The following NRG3 variants were observed in gnomAD, a reference collection of about 807,000 sequenced individuals.
The protein encoded by NRG3 is pro-neuregulin-3, membrane-bound isoform.
NRG3 carries 31 observed loss-of-function variants against 66.9 expected under a neutral mutation model. That is an observed-to-expected ratio of 0.46 (90% CI 0.35 to 0.63). NRG3 has a LOEUF of 0.63. NRG3 is among the 20% of genes least tolerant of loss of function. NRG3 has a pLI of 0.00. For missense variants in NRG3, 910 were observed against 878.9 expected (o/e 1.04, Z -0.45); for synonymous variants, 393 against 359.4 (o/e 1.09, Z -1.06).
chr10:82,671,520 A>C (rs980436428), intron 2 of NRG3, among the ~76,000 whole-genome samples: 4 of 152,158 alleles, frequency 2.6e-5, no homozygotes, highest in African/African-American at 4.8e-5. Context: ...AGTGACTGTC[A>C]TTCTTTGGAA....
chr10:82,961,560 T>C (rs1254526580), intron 6 of NRG3, among the ~76,000 whole-genome samples: 1 of 152,134 alleles, frequency 6.6e-6, no homozygotes, highest in Non-Finnish European at 1.5e-5. Flanking sequence ...CAGAAGGCAA[T>C]TTGCCCACCA....
intron 3 of NRG3, among the ~76,000 whole-genome samples, chr10:82,749,732 C>T (rs749826174): frequency 7.9e-4 from 120 of 151,228 alleles, no homozygotes; most frequent in Admixed American, 1.3e-3. Context: ...ATTCCAATGG[C>T]CTTTTTAACT....
chr10:82,402,931 A>T (rs2087216568), intron 2 of NRG3, among the ~76,000 whole-genome samples: 1 of 152,152 alleles, frequency 6.6e-6, no homozygotes, highest in Admixed American at 6.6e-5. Flanking sequence ...TATCTCAATA[A>T]TTGAGTTTTT....
chr10:82,343,474 G>A (rs971285798), intron 1 of NRG3, among the ~76,000 whole-genome samples: 1 of 152,016 alleles, frequency 6.6e-6, no homozygotes, highest in African/African-American at 2.4e-5. Flanking sequence ...ACTGCCCAAA[G>A]CAATGTACAT....
chr10:82,552,935 G>A (rs993462888), intron 2 of NRG3, among the ~76,000 whole-genome samples: 1 of 151,922 alleles, frequency 6.6e-6, no homozygotes, highest in Non-Finnish European at 1.5e-5. Context: ...TGAAGTGATT[G>A]GAGATAGTTG....
chr10:82,924,403 G>A (rs753471257), intron 4 of NRG3, among the ~76,000 whole-genome samples: 1 of 152,072 alleles, frequency 6.6e-6, no homozygotes, highest in Non-Finnish European at 1.5e-5. Flanking sequence ...GATCAGAATT[G>A]GCTCATCAGT....
At chr10:82,688,668 C>T (rs895585925) in intron 2 of NRG3, among the ~76,000 whole-genome samples, 33 of 151,082 alleles carry the variant, frequency 2.2e-4, no homozygotes, top group Admixed American at 6.6e-4. Flanking sequence ...AAGAAGTAAA[C>T]AAATTTCTGC....
At chr10:82,563,680 G>A (rs7904730) in intron 2 of NRG3, among the ~76,000 whole-genome samples, 18,762 of 151,678 alleles carry the variant, frequency 0.12, 2,191 homozygotes, top group African/African-American at 0.3. Flanking sequence ...GTTTTGATTT[G>A]TGTGCTATAA....
chr10:81,892,499 A>T (rs1843114292), intron 1 of NRG3, among the ~76,000 whole-genome samples: 1 of 152,144 alleles, frequency 6.6e-6, no homozygotes, highest in African/African-American at 2.4e-5. Flanking sequence ...AGAGGGCTAA[A>T]AAATGGTATT....
At chr10:82,560,151 T>A (rs2044940759) in intron 2 of NRG3, among the ~76,000 whole-genome samples, 1 of 151,764 alleles carries the variant, frequency 6.6e-6, no homozygotes, top group South Asian at 2.1e-4. Context: ...TAATTAAAAA[T>A]AAAAATGTGT....
chr10:82,922,605 A>G (rs138888344), intron 4 of NRG3, among the ~76,000 whole-genome samples: 1 of 152,286 alleles, frequency 6.6e-6, no homozygotes, highest in African/African-American at 2.4e-5. Context: ...AGGACACTCA[A>G]CTTTGCAAAT....
intron 2 of NRG3, among the ~76,000 whole-genome samples, chr10:82,684,533 CA>C (rs377279657): frequency 3.3e-5 from 5 of 149,570 alleles, no homozygotes; most frequent in Admixed American, 1.3e-4. Flanking sequence ...ATTGATGGAA[CA>C]AAAAAAAACA....
At chr10:82,174,745 CTG>C (rs1325853964) in intron 1 of NRG3, among the ~76,000 whole-genome samples, 1 of 152,070 alleles carries the variant, frequency 6.6e-6, no homozygotes, top group Admixed American at 6.6e-5. Context: ...CTGGCTCACT[CTG>C]TTATGATTTT....
chr10:82,433,193 A>T (rs540862417), intron 2 of NRG3, among the ~76,000 whole-genome samples: 1 of 152,018 alleles, frequency 6.6e-6, no homozygotes, highest in African/African-American at 2.4e-5. Flanking sequence ...TGTGGTTTTG[A>T]TTTGCATTTC....
At chr10:82,728,138 G>A (rs1243100060) in intron 2 of NRG3, among the ~76,000 whole-genome samples, 4 of 152,262 alleles carry the variant, frequency 2.6e-5, no homozygotes, top group Non-Finnish European at 5.9e-5. Context: ...CAGATGAGAC[G>A]TTGGACTGTG....
intron 2 of NRG3, among the ~76,000 whole-genome samples, chr10:82,605,719 A>G (rs980844309): frequency 6.6e-5 from 10 of 152,042 alleles, no homozygotes; most frequent in African/African-American, 2.4e-4. Context: ...AGTAAAGTTC[A>G]CCAGTGAATC....
intron 1 of NRG3, among the ~76,000 whole-genome samples, chr10:82,162,297 T>C (rs1254123096): frequency 3.3e-5 from 5 of 152,152 alleles, no homozygotes; most frequent in Non-Finnish European, 1.5e-5. Context: ...AATTTATACA[T>C]AAAAGTGTCA....
At chr10:82,804,486 C>T (rs192845433) in intron 3 of NRG3, among the ~76,000 whole-genome samples, 1 of 152,276 alleles carries the variant, frequency 6.6e-6, no homozygotes, top group Non-Finnish European at 1.5e-5. Flanking sequence ...TGGTTTCTGG[C>T]ATCCACAGGG....
At chr10:82,245,804 A>G (rs561474352) in intron 1 of NRG3, among the ~76,000 whole-genome samples, 1 of 152,318 alleles carries the variant, frequency 6.6e-6, no homozygotes, top group African/African-American at 2.4e-5. Flanking sequence ...GGAAAATCTG[A>G]AAAATATTGG....
Sources: allele counts gnomAD v4.1 joint callset (sites outside exome capture counted in the v4.1 genomes callset), GRCh38; gene constraint gnomAD v4.1.1; transcripts MANE v1.5; gene names NCBI Gene and HGNC (gene_info 2026-07-23, HGNC 2026-07-21).